IP6K3: variants seen among roughly 807,000 people sequenced by gnomAD.
IP6K3 encodes the protein inositol hexakisphosphate kinase 3.
IP6K3 carries 20 observed loss-of-function variants against 28.8 expected under a neutral mutation model. That is an observed-to-expected ratio of 0.70 (90% CI 0.49 to 1.01). IP6K3 has a LOEUF of 1.01. IP6K3 is among the 50% of genes least tolerant of loss of function. IP6K3 has a pLI of 0.00. For missense variants in IP6K3, 480 were observed against 537.1 expected, an observed-to-expected ratio of 0.89 and a Z score of 1.05; for synonymous variants, 213 against 221.3, an observed-to-expected ratio of 0.96 and a Z score of 0.33.
rs1464961903 is a variant in IP6K3, at chr6:33,722,434, C to G, written c.*286G>C. 3.8e-6 allele frequency: 1 copy of G among 260,916 alleles called. No individual in the cohort carries two copies. Among genetic ancestry groups the G allele is most frequent in the African/African-American group, 2.2e-5 (1 of 45,230 alleles). 16.2% of individuals were successfully genotyped at this position (260,916 alleles called of 1,614,324 possible). A position where few individuals can be genotyped will look rare whatever the true frequency, so the allele number is the denominator to read the frequency against. ...TCCAGAATGTCAGCAATGCTGGCCTCTAACTTGGGCTGCCCCCTCCAGTGT... is the reference window on the plus strand; with the variant it reads ...TCCAGAATGTCAGCAATGCTGGCCTGTAACTTGGGCTGCCCCCTCCAGTGT... On this transcript the variant is annotated 3_prime_UTR_variant, in exon 6 of 6. Coordinates refer to ENST00000293756, the MANE Select transcript of IP6K3 (RefSeq NM_054111.5).
chr6:33,760,309 T>G, the IP6K3 span, among the ~76,000 whole-genome samples: 1 of 152,182 alleles, frequency 6.6e-6, no homozygotes, highest in African/African-American at 2.4e-5. Flanking sequence ...CTCAGGGTCT[T>G]ATGTTTCCCA....
chr6:33,744,446 A>G lies in IP6K3; in HGVS notation c.-180+2312T>C, dbSNP rs368711547. On this transcript the variant is annotated intron_variant, in intron 1 of 5. Coordinates refer to ENST00000293756, the MANE Select transcript of IP6K3 (RefSeq NM_054111.5). This position sits in a 1 kb window ranked among gnomAD's most constrained non-coding sequence, Gnocchi z 4.4. ...TGGAACAGCTCTTTAAGGTCAAAACACAATAATGGGATGGAGTGTGTGTGC... is the reference window on the plus strand; with the variant it reads ...TGGAACAGCTCTTTAAGGTCAAAACGCAATAATGGGATGGAGTGTGTGTGC... Among the ~76,000 whole-genome samples, 1 of 152,158 alleles carries G rather than the reference A, an allele frequency of 6.6e-6. No homozygotes were observed. The highest frequency in any genetic ancestry group is 1.9e-4 in the East Asian group (1 of 5,200).
intron 1 of IP6K3, among the ~76,000 whole-genome samples, chr6:33,743,145 C>T (rs1338864709): frequency 6.6e-6 from 1 of 152,158 alleles, no homozygotes; most frequent in Non-Finnish European, 1.5e-5. Flanking sequence ...TGGGCCCCAG[C>T]TCAGTGCAGG....
At chr6:33,759,617 A>G in the IP6K3 span, among the ~76,000 whole-genome samples, 9 of 152,304 alleles carry the variant, frequency 5.9e-5, no homozygotes, top group Non-Finnish European at 1.0e-4. Context: ...TAATCCCAGC[A>G]CTTTGGAAGG....
chr6:33,751,882 G>T (rs1767027731), upstream of IP6K3, among the ~76,000 whole-genome samples: 1 of 152,204 alleles, frequency 6.6e-6, no homozygotes, highest in African/African-American at 2.4e-5. The surrounding 1 kb of genome is among the most constrained non-coding windows in gnomAD (Gnocchi z 4.3). Flanking sequence ...CCTGGAGAAG[G>T]CTGGGAGGAG....
the IP6K3 span, among the ~76,000 whole-genome samples, chr6:33,758,349 T>G: frequency 6.6e-6 from 1 of 151,874 alleles, no homozygotes; most frequent in African/African-American, 2.4e-5. Flanking sequence ...ACCCATCTCT[T>G]CAAAAAACAA....
the IP6K3 span, among the ~76,000 whole-genome samples, chr6:33,757,030 G>A: frequency 6.6e-6 from 1 of 152,224 alleles, no homozygotes; most frequent in Non-Finnish European, 1.5e-5. Context: ...CTGCTGCAAG[G>A]CCCCTCCGGC....
At chr6:33,724,188 C>T (rs928247357) in intron 5 of IP6K3, among the ~76,000 whole-genome samples, 18 of 152,178 alleles carry the variant, frequency 1.2e-4, no homozygotes, top group Non-Finnish European at 5.9e-5. Context: ...CTAAATCAGC[C>T]GTCAAAAATA....
intron 2 of IP6K3, among the ~76,000 whole-genome samples, chr6:33,734,644 A>G (rs1582214338): frequency 6.6e-6 from 1 of 151,894 alleles, no homozygotes; most frequent in East Asian, 1.9e-4. Context: ...GGGGAGCCCG[A>G]CCCCTGCCTG....
intron 2 of IP6K3, among the ~76,000 whole-genome samples, chr6:33,728,813 G>A (rs948606863): frequency 6.6e-6 from 1 of 152,052 alleles, no homozygotes; most frequent in South Asian, 2.1e-4. Context: ...TGTCTTTATC[G>A]GACCTGCTTC....
chr6:33,761,453 C>A, the IP6K3 span, among the ~76,000 whole-genome samples: 1 of 152,142 alleles, frequency 6.6e-6, no homozygotes, highest in Admixed American at 6.5e-5. Context: ...GCATCTGACT[C>A]CACAGCTGTG....
At chr6:33,730,148 G>A (rs976815905) in intron 2 of IP6K3, among the ~76,000 whole-genome samples, 4 of 152,202 alleles carry the variant, frequency 2.6e-5, no homozygotes, top group Admixed American at 2.0e-4. Flanking sequence ...CCCCAGCCAC[G>A]TGGTCACCTT....
chr6:33,737,344 C>T (rs371632124), intron 1 of IP6K3, among the ~76,000 whole-genome samples: 1 of 132,388 alleles, frequency 7.6e-6, no homozygotes, highest in African/African-American at 3.2e-5. Flanking sequence ...ATTCCCACAG[C>T]GGTGCCCTGA....
At chr6:33,727,365 C>G (rs758482969) in intron 3 of IP6K3, among the ~76,000 whole-genome samples, 10 of 152,116 alleles carry the variant, frequency 6.6e-5, no homozygotes, top group Admixed American at 4.6e-4. Context: ...GGACAGCGGC[C>G]GGCCCTCTTC....
At chr6:33,761,299 GAGCCTTC>G in the IP6K3 span, among the ~76,000 whole-genome samples, 1 of 152,022 alleles carries the variant, frequency 6.6e-6, no homozygotes, top group African/African-American at 2.4e-5. Context: ...CCTCTCTGCT[GAGCCTTC>G]AGCCCGTCCC....
chr6:33,726,904 G>T lies in IP6K3; in HGVS notation c.416C>A (p.Pro139Gln), dbSNP rs770106812. The change falls in exon 4 of 6, where the codon CCG becomes CAG. Residue 139 changes from proline to glutamine, a missense_variant and splice_region_variant. By Grantham distance (76) the Pro-to-Gln change is moderately conservative. Coordinates refer to ENST00000293756, the MANE Select transcript of IP6K3 (RefSeq NM_054111.5). ...AQLARSPKESPAKALLRSEPH... is the reference protein window; with the variant it reads ...AQLARSPKESQAKALLRSEPH... ...CTCGGACCTCAGAAGAGCCTTGGCC[G>T]GGCTGCGGCGGAGTGGAGCACAGGA... 1 of 1,597,150 alleles carries T rather than the reference G, an allele frequency of 6.3e-7. No individual in the cohort carries two copies. Among genetic ancestry groups the T allele is most frequent in the Non-Finnish European group, 8.6e-7 (1 of 1,167,272 alleles).
the IP6K3 span, among the ~76,000 whole-genome samples, chr6:33,754,889 C>T: frequency 6.6e-6 from 1 of 152,214 alleles, no homozygotes; most frequent in Non-Finnish European, 1.5e-5. Context: ...TGTATCAACT[C>T]AGTCAATCCT....
intron 1 of IP6K3, chr6:33,739,358 C>T (rs1766640480): frequency 6.6e-6 from 1 of 152,082 alleles, no homozygotes; most frequent in African/African-American, 2.4e-5. Context: ...GTGACATCTG[C>T]AGGGCCTCCT....
At position 33,726,912 on chromosome 6, in the gene IP6K3, G is replaced by C; in HGVS notation, c.414-6C>G. 1 of 1,594,162 alleles carries C rather than the reference G, an allele frequency of 6.3e-7. No individual in the cohort carries two copies. Among genetic ancestry groups the C allele is most frequent in the Non-Finnish European group, 8.6e-7 (1 of 1,165,238 alleles). ...TCAGAAGAGCCTTGGCCGGGCTGCG[G>C]CGGAGTGGAGCACAGGACGGTCAGA... is the stretch of plus-strand genomic sequence containing the variant. On this transcript the variant is annotated splice_polypyrimidine_tract_variant and splice_region_variant and intron_variant, in intron 3 of 5. Transcript: ENST00000293756.
Sources: allele counts gnomAD v4.1 joint callset (sites outside exome capture counted in the v4.1 genomes callset), GRCh38; gene constraint gnomAD v4.1.1; non-coding constraint Gnocchi (gnomAD v3.1); transcripts MANE v1.5; gene names NCBI Gene and HGNC (gene_info 2026-07-23, HGNC 2026-07-21).